STPG2: variants seen among roughly 807,000 people sequenced by gnomAD.
STPG2 encodes the protein sperm-tail PG-rich repeat-containing protein 2.
Under a neutral mutation model 54.2 loss-of-function variants are expected in STPG2, and 56 were observed. The observed-to-expected ratio is 1.03, with a 90% CI of 0.83 to 1.29. The LOEUF (loss-of-function observed/expected upper bound fraction) is 1.29. Among genes scored for constraint, STPG2 ranks in the 50% most tolerant of loss-of-function variants. The pLI is 0.00. For missense variants in STPG2, 596 were observed against 544.9 expected (o/e 1.09, Z -0.93); for synonymous variants, 200 against 181.8 (o/e 1.10, Z -0.81).
At chr4:97,477,371 A>G (rs980368143) in intron 4 of STPG2, among the ~76,000 whole-genome samples, 22 of 151,312 alleles carry the variant, frequency 1.5e-4, no homozygotes, top group Admixed American at 1.4e-3. Flanking sequence ...CTAGGGATTT[A>G]TTTGTCCTTA....
chr4:97,681,163 T>C lies in STPG2; in HGVS notation c.1320+31536A>G, dbSNP rs190117918. On this transcript the variant is annotated intron_variant, in intron 10 of 10. Coordinates refer to ENST00000295268, the MANE Select transcript of STPG2 (RefSeq NM_174952.3). Reference sequence around the variant, plus strand: ...GATGTAAAAAGAAACCTATTAGTGATGATGAAAATTTTTTTAAAAGTGAAA... The same window carrying C: ...GATGTAAAAAGAAACCTATTAGTGACGATGAAAATTTTTTTAAAAGTGAAA... Among the ~76,000 whole-genome samples, 520 of 151,982 alleles carry C rather than the reference T, an allele frequency of 3.4e-3. 2 individuals are homozygous for C. The highest frequency in any genetic ancestry group is 5.6e-3 in the Non-Finnish European group (383 of 67,836).
chr4:97,566,893 G>T (rs1354768553), intron 10 of STPG2, among the ~76,000 whole-genome samples: 1 of 148,056 alleles, frequency 6.8e-6, no homozygotes. Context: ...GGGGTGGTGG[G>T]AGGGGGGAGG....
At chr4:98,011,547 C>T (rs1043281307) in intron 5 of STPG2, among the ~76,000 whole-genome samples, 1 of 152,174 alleles carries the variant, frequency 6.6e-6, no homozygotes, top group Non-Finnish European at 1.5e-5. Flanking sequence ...CTGTCTCCCA[C>T]AATGGTTAAA....
chr4:97,853,181 T>C (rs1451894695), intron 8 of STPG2, among the ~76,000 whole-genome samples: 2 of 151,922 alleles, frequency 1.3e-5, no homozygotes, highest in African/African-American at 2.4e-5. Context: ...GGTTTCACCG[T>C]GGTCTAGATC....
intron 4 of STPG2, among the ~76,000 whole-genome samples, chr4:97,478,348 T>C: frequency 6.6e-6 from 1 of 152,322 alleles, no homozygotes; most frequent in South Asian, 2.1e-4. Context: ...CAGAAAAATG[T>C]AGGGCTTAGG....
At chr4:97,576,146 T>C (rs1732717025) in intron 10 of STPG2, among the ~76,000 whole-genome samples, 1 of 151,994 alleles carries the variant, frequency 6.6e-6, no homozygotes, top group African/African-American at 2.4e-5. Context: ...TCCATGCTCA[T>C]GAATAGGCAG....
chr4:97,715,682 A>G (rs6822846), intron 9 of STPG2, among the ~76,000 whole-genome samples: 89,577 of 151,842 alleles, frequency 0.59, 26,726 homozygotes, highest in South Asian at 0.68. Flanking sequence ...CTTTTTTCAT[A>G]TGAAGGTGAC....
At chr4:97,772,832 T>G (rs930739109) in intron 9 of STPG2, among the ~76,000 whole-genome samples, 1 of 152,136 alleles carries the variant, frequency 6.6e-6, no homozygotes, top group Non-Finnish European at 1.5e-5. Flanking sequence ...TAACACAGGA[T>G]ATAAACATAA....
chr4:98,043,481 TA>T (rs1325089410), intron 5 of STPG2, among the ~76,000 whole-genome samples: 3 of 152,092 alleles, frequency 2.0e-5, no homozygotes, highest in Non-Finnish European at 4.4e-5. Flanking sequence ...GTGTAACTTT[TA>T]TAAGTATTTT....
chr4:97,606,986 G>T (rs1733611418), intron 10 of STPG2, among the ~76,000 whole-genome samples: 1 of 151,894 alleles, frequency 6.6e-6, no homozygotes, highest in African/African-American at 2.4e-5. Flanking sequence ...CATGATAAAA[G>T]AATAGGAATA....
At position 98,105,953 on chromosome 4, in the gene STPG2, CT is replaced by C. The variant is rs778953320; in HGVS notation, c.611del (p.Lys204ArgfsTer6). ...ATGCATTAGCCACTTTTCAACTTACCTTTTTTTTCTCCTGCAATACTATTAT... is the reference window on the plus strand; with the variant it reads ...ATGCATTAGCCACTTTTCAACTTACCTTTTTTTCTCCTGCAATACTATTAT... ...YEIIVLQEKKKRFLPMKSITP... is the reference protein window; with the variant it reads ...YEIIVLQEKKXRFLPMKSITP... On this transcript the variant is annotated frameshift_variant and splice_region_variant, in exon 5 of 11. Coordinates refer to ENST00000295268, the MANE Select transcript of STPG2 (RefSeq NM_174952.3). LOFTEE classifies it high-confidence loss of function. 64 of 1,553,030 alleles carry C rather than the reference CT, an allele frequency of 4.1e-5. No homozygotes were observed. Among genetic ancestry groups the C allele is most frequent in the Middle Eastern group, 1.7e-4 (1 of 5,822 alleles).
At chr4:98,023,998 T>TGTG (rs1736328978) in intron 5 of STPG2, among the ~76,000 whole-genome samples, 1 of 152,120 alleles carries the variant, frequency 6.6e-6, no homozygotes, top group Non-Finnish European at 1.5e-5. Flanking sequence ...AGGCAATGCC[T>TGTG]CACCCTGCTT....
At chr4:97,486,507 C>CA (rs1406265846) in intron 4 of STPG2, among the ~76,000 whole-genome samples, 1 of 151,480 alleles carries the variant, frequency 6.6e-6, no homozygotes, top group Non-Finnish European at 1.5e-5. Flanking sequence ...ATCAAAAAAT[C>CA]AAAAAACAGT....
intron 4 of STPG2, among the ~76,000 whole-genome samples, chr4:97,526,804 T>C (rs1030347460): frequency 6.6e-6 from 1 of 152,110 alleles, no homozygotes; most frequent in Non-Finnish European, 1.5e-5. Flanking sequence ...TTTTTATGGT[T>C]TTAGGTCTTA....
intron 8 of STPG2, among the ~76,000 whole-genome samples, chr4:97,856,638 G>A (rs1446951327): frequency 6.6e-6 from 1 of 152,128 alleles, no homozygotes; most frequent in Non-Finnish European, 1.5e-5. Context: ...CTTCCTATCT[G>A]AATATGCTTT....
At chr4:97,640,993 A>G (rs1423509696) in intron 10 of STPG2, among the ~76,000 whole-genome samples, 1 of 151,576 alleles carries the variant, frequency 6.6e-6, no homozygotes, top group African/African-American at 2.4e-5. Context: ...GTAATCTTAT[A>G]ATGAATATAT....
intron 10 of STPG2, among the ~76,000 whole-genome samples, chr4:97,635,077 G>A (rs545194744): frequency 2.6e-5 from 4 of 151,806 alleles, no homozygotes; most frequent in Non-Finnish European, 5.9e-5. Context: ...AAAATGTTAA[G>A]GGCAGCCAGA....
chr4:97,833,798 A>T (rs1432766336), intron 9 of STPG2, among the ~76,000 whole-genome samples: 1 of 152,204 alleles, frequency 6.6e-6, no homozygotes, highest in African/African-American at 2.4e-5. Context: ...TGCAAATCAA[A>T]ACCACAATGA....
intron 5 of STPG2, among the ~76,000 whole-genome samples, chr4:98,101,049 T>G (rs1578854047): frequency 1.6e-5 from 2 of 126,814 alleles, no homozygotes; most frequent in African/African-American, 6.1e-5. Flanking sequence ...AAACTGGTTA[T>G]TTCTTCTTGC....
Sources: allele counts gnomAD v4.1 joint callset (sites outside exome capture counted in the v4.1 genomes callset), GRCh38; gene constraint gnomAD v4.1.1; transcripts MANE v1.5; gene names NCBI Gene and HGNC (gene_info 2026-07-23, HGNC 2026-07-21).